ANKS1A: variants seen among roughly 807,000 people sequenced by gnomAD.
ANKS1A encodes ankyrin repeat and sterile alpha motif domain containing 1A.
Under a neutral mutation model 120.3 loss-of-function variants are expected in ANKS1A, and 55 were observed. The observed-to-expected ratio is 0.46, with a 90% CI of 0.37 to 0.57. ANKS1A has a LOEUF of 0.57. ANKS1A is among the 20% of genes least tolerant of loss of function. ANKS1A has a pLI of 0.00. For synonymous variants in ANKS1A, 590 were observed against 604.7 expected (o/e 0.98, Z 0.36); for missense variants, 1,123 against 1,480.3 (o/e 0.76, Z 3.96).
chr6:35,055,099 G>A (rs1277165073), intron 12 of ANKS1A, among the ~76,000 whole-genome samples: 2 of 152,208 alleles, frequency 1.3e-5, no homozygotes, highest in African/African-American at 4.8e-5. Context: ...GAAGTCTGAT[G>A]GGTGGGCTTG....
intron 11 of ANKS1A, among the ~76,000 whole-genome samples, chr6:35,031,695 T>C (rs965884172): frequency 2.0e-5 from 3 of 152,204 alleles, no homozygotes; most frequent in African/African-American, 7.2e-5. Flanking sequence ...TGCCTTACCA[T>C]GTTCCTCAAA....
intron 1 of ANKS1A, among the ~76,000 whole-genome samples, chr6:34,961,428 G>A (rs1241191812): frequency 6.6e-6 from 1 of 152,138 alleles, no homozygotes; most frequent in Non-Finnish European, 1.5e-5. Context: ...ACTTCTAGAT[G>A]GGCTTTTGGA....
chr6:35,073,962 C>T (rs1777208630), intron 13 of ANKS1A, among the ~76,000 whole-genome samples: 1 of 152,258 alleles, frequency 6.6e-6, no homozygotes, highest in South Asian at 2.1e-4. Context: ...GCGCTGCGCC[C>T]GGAATGTGCT....
chr6:35,038,222 C>G (rs1264042379), intron 11 of ANKS1A: 1 of 456,560 alleles, frequency 2.2e-6, no homozygotes, highest in Non-Finnish European at 4.4e-6. Flanking sequence ...GCCCATCAGT[C>G]TGGGAAGAAA....
At chr6:35,003,075 C>G (rs1773254466) in intron 10 of ANKS1A, among the ~76,000 whole-genome samples, 1 of 151,460 alleles carries the variant, frequency 6.6e-6, no homozygotes, top group Non-Finnish European at 1.5e-5. Flanking sequence ...ATCTTTCTTC[C>G]TACTGCCCAT....
In ANKS1A at chr6:35,083,097, G is replaced by C. The variant is rs891701479; in HGVS notation, c.2836-58G>C. 11 of 1,600,990 alleles carry C rather than the reference G, an allele frequency of 6.9e-6. No individual in the cohort carries two copies. The Admixed American group carries it at 1.7e-4, about 24-fold the overall frequency. On this transcript the variant is annotated intron_variant, in intron 18 of 23. Coordinates refer to ENST00000360359, the MANE Select transcript of ANKS1A (RefSeq NM_015245.3). ...TGTGGGACAGTCCCAAATTGGTTGG[G>C]TCACCCCTGCATGGAAACGCAGGAT...
At chr6:34,903,580 C>T (rs1309615023) in intron 1 of ANKS1A, among the ~76,000 whole-genome samples, 2 of 152,004 alleles carry the variant, frequency 1.3e-5, no homozygotes, top group African/African-American at 4.8e-5. Context: ...TCACAGGGGC[C>T]TCCACCTCCC....
intron 10 of ANKS1A, among the ~76,000 whole-genome samples, chr6:35,010,701 G>A (rs561572669): frequency 3.3e-5 from 5 of 152,054 alleles, no homozygotes; most frequent in African/African-American, 9.7e-5. Context: ...CTAGAAAAAG[G>A]GTTAGGCAGT....
chr6:35,012,633 T>C (rs1773821419), intron 10 of ANKS1A, among the ~76,000 whole-genome samples: 3 of 152,166 alleles, frequency 2.0e-5, no homozygotes, highest in African/African-American at 7.2e-5. Context: ...AATGTGTAAA[T>C]GTTGAAGTGT....
chr6:35,080,001 G>C, intron 16 of ANKS1A, 73 bp downstream of exon 16: 1 of 1,496,858 alleles, frequency 6.7e-7, no homozygotes, highest in Non-Finnish European at 9.1e-7. Flanking sequence ...GAATTCTTTA[G>C]GATTCTTCAG....
chr6:34,997,257 C>T (rs1161653045), intron 10 of ANKS1A, among the ~76,000 whole-genome samples: 1 of 142,048 alleles, frequency 7.0e-6, no homozygotes, highest in Non-Finnish European at 1.5e-5. Flanking sequence ...AGTGCAGTGG[C>T]ATGACCTCAG....
At chr6:34,979,108 G>A (rs1771766092) in intron 3 of ANKS1A, among the ~76,000 whole-genome samples, 1 of 151,968 alleles carries the variant, frequency 6.6e-6, no homozygotes, top group African/African-American at 2.4e-5. Context: ...TGTTAGCCAG[G>A]ATGGTCTCGA....
At chr6:34,917,536 G>T (rs1460930510) in intron 1 of ANKS1A, among the ~76,000 whole-genome samples, 1 of 152,214 alleles carries the variant, frequency 6.6e-6, no homozygotes, top group Non-Finnish European at 1.5e-5. Context: ...AAGATAATCT[G>T]TATTAAAGTG....
chr6:34,903,214 G>A (rs1767448622), intron 1 of ANKS1A, among the ~76,000 whole-genome samples: 1 of 152,146 alleles, frequency 6.6e-6, no homozygotes, highest in Non-Finnish European at 1.5e-5. Flanking sequence ...AGTAACTTCT[G>A]TCTTCTGTGT....
chr6:35,027,421 A>T (rs1774685252), intron 11 of ANKS1A, among the ~76,000 whole-genome samples: 1 of 152,202 alleles, frequency 6.6e-6, no homozygotes, highest in Non-Finnish European at 1.5e-5. Context: ...CTTAGGGGAC[A>T]TCAGGGTAGA....
chr6:34,943,546 T>G (rs1485764116), intron 1 of ANKS1A, among the ~76,000 whole-genome samples: 2 of 152,166 alleles, frequency 1.3e-5, no homozygotes, highest in Non-Finnish European at 2.9e-5. Flanking sequence ...ACAAAATAAT[T>G]TCACTGCCCA....
At chr6:34,980,347 T>C (rs778841145) in intron 3 of ANKS1A, among the ~76,000 whole-genome samples, 1 of 152,246 alleles carries the variant, frequency 6.6e-6, no homozygotes, top group Non-Finnish European at 1.5e-5. Context: ...CCTTATTTCA[T>C]TTAAAAATTT....
intron 13 of ANKS1A, among the ~76,000 whole-genome samples, chr6:35,074,405 G>A (rs931511576): frequency 6.6e-6 from 1 of 151,718 alleles, no homozygotes; most frequent in Non-Finnish European, 1.5e-5. Context: ...TTCAAGACCA[G>A]CTTGGGCAAC....
At chr6:34,916,225 G>A (rs759703897) in intron 1 of ANKS1A, among the ~76,000 whole-genome samples, 10 of 151,850 alleles carry the variant, frequency 6.6e-5, no homozygotes, top group East Asian at 5.8e-4. Flanking sequence ...ACTCTTGGCC[G>A]CAGGTGATCC....
Sources: allele counts gnomAD v4.1 joint callset (sites outside exome capture counted in the v4.1 genomes callset), GRCh38; gene constraint gnomAD v4.1.1; transcripts MANE v1.5; gene names NCBI Gene and HGNC (gene_info 2026-07-23, HGNC 2026-07-21).